Variants in ANK3 observed in about 807,000 individuals in gnomAD.
The protein encoded by ANK3 is ankyrin 3, also known as ankyrin-3.
In ANK3, 57 loss-of-function variants were observed where a neutral mutation model predicts 370.9. The ratio of observed to expected loss-of-function variants is 0.15; its 90% CI spans 0.12 to 0.19. ANK3 has a LOEUF of 0.19. ANK3 is among the 10% of genes least tolerant of loss of function. The probability of loss-of-function intolerance (pLI) is 1.00; values close to 1 mark genes in which losing one functional copy is unlikely to be tolerated. For synonymous variants in ANK3, 1,929 were observed against 1,946.3 expected (o/e 0.99, Z 0.23); for missense variants, 4,439 against 5,302.1 (o/e 0.84, Z 5.06).
rs186331235 is a variant in ANK3, at chr10:60,287,747, C to A, written c.115-8108G>T. Among the ~76,000 whole-genome samples, 17 of 152,160 alleles carry A rather than the reference C, an allele frequency of 1.1e-4. No homozygotes were observed. The East Asian group carries it at 2.9e-3, about 26-fold the overall frequency. On this transcript the variant is annotated intron_variant, in intron 1 of 43. Transcript: ENST00000280772. ...AACCCAAGTCTGCTTGATAGCAAGCCCAGGCTCTTCCCTCAACACCAGGGG... is the reference window on the plus strand; with the variant it reads ...AACCCAAGTCTGCTTGATAGCAAGCACAGGCTCTTCCCTCAACACCAGGGG...
Position 60,114,348 on chromosome 10 carries a change from T to C in ANK3, c.2842-17A>G, listed in dbSNP as rs1672584504. The C allele has an allele frequency of 7.0e-7, 1 of 1,426,768 alleles. No individual in the cohort carries two copies. The allele number at this position is 1,426,768 out of a possible 1,614,324, so 88.4% of individuals were successfully genotyped here. A position where few individuals can be genotyped will look rare whatever the true frequency, so the allele number is the denominator to read the frequency against. ...TGTTAGATGCTGAAAAATAAAATGG[T>C]AAATTAAATTACATCAACAAACCAT... On this transcript the variant is annotated splice_polypyrimidine_tract_variant and intron_variant, in intron 25 of 43. Coordinates refer to ENST00000280772, the MANE Select transcript of ANK3 (RefSeq NM_020987.5).
At chr10:60,363,015 C>A (rs1293388523) in intron 1 of ANK3, among the ~76,000 whole-genome samples, 3 of 145,138 alleles carry the variant, frequency 2.1e-5, no homozygotes, top group Non-Finnish European at 4.4e-5. Flanking sequence ...TTTTGCTACC[C>A]TTTCCAGCAG....
intron 1 of ANK3, among the ~76,000 whole-genome samples, chr10:60,377,560 T>C (rs1335125262): frequency 6.6e-6 from 1 of 152,146 alleles, no homozygotes; most frequent in Non-Finnish European, 1.5e-5. Context: ...TTTTACTACA[T>C]AAAACAAATG....
intron 28 of ANK3, among the ~76,000 whole-genome samples, chr10:60,096,538 T>C (rs1049238667): frequency 3.3e-5 from 5 of 152,204 alleles, no homozygotes; most frequent in African/African-American, 9.6e-5. Context: ...TACATGTTAG[T>C]ACCACAGATT....
In ANK3 at chr10:60,105,938, C is replaced by A. The variant is rs148706376; in HGVS notation, c.3295G>T (p.Asp1099Tyr). ...KEHQFDSKNE[D>Y]LTELLNGMDE... is the part of the protein sequence containing the mutation. Reference sequence around the variant, plus strand: ...ATGCCATTAAGTAACTCGGTTAAATCTTCATTTTTGCTGTCAAACTGATGC... The same window carrying A: ...ATGCCATTAAGTAACTCGGTTAAATATTCATTTTTGCTGTCAAACTGATGC... The change falls in exon 28 of 44, where the codon GAT (aspartate) becomes TAT (tyrosine). Residue 1099 changes from aspartate to tyrosine, a missense_variant. This residue lies in a region of ANK3 where 702 missense variants were observed against 941.5 expected (regional missense o/e 0.75). Transcript: ENST00000280772. 13 of 1,611,680 alleles carry A rather than the reference C, an allele frequency of 8.1e-6. No homozygotes were observed. The African/African-American group carries it at 1.5e-4, about 18-fold the overall frequency.
chr10:60,706,068 C>T (rs1465611097), intron 1 of ANK3, among the ~76,000 whole-genome samples: 6 of 152,100 alleles, frequency 3.9e-5, no homozygotes, highest in Non-Finnish European at 5.9e-5. Flanking sequence ...AAGCAATCAG[C>T]TCGCCTTGGT....
chr10:60,341,559 T>C (rs1172416485), intron 1 of ANK3, among the ~76,000 whole-genome samples: 2 of 152,144 alleles, frequency 1.3e-5, no homozygotes, highest in African/African-American at 2.4e-5. Context: ...AAAAGAATTG[T>C]ATTCATGGTC....
chr10:60,088,434 T>A, intron 28 of ANK3, 76 bp from the exon 29 acceptor site: 1 of 1,207,398 alleles, frequency 8.3e-7, no homozygotes, highest in Non-Finnish European at 1.2e-6. Context: ...ATGATATATC[T>A]TTTTTTTTGA....
chr10:60,608,061 G>C (rs2078151573), intron 2 of ANK3, among the ~76,000 whole-genome samples: 1 of 152,088 alleles, frequency 6.6e-6, no homozygotes, highest in Admixed American at 6.6e-5. Context: ...GCATGATTTG[G>C]GGACTCACTG....
At chr10:60,300,798 C>T (rs527843712) in intron 1 of ANK3, among the ~76,000 whole-genome samples, 2 of 152,290 alleles carry the variant, frequency 1.3e-5, no homozygotes, top group East Asian at 3.9e-4. Context: ...CCATTTTCTC[C>T]TCTGTCTTTC....
At chr10:60,606,485 T>C (rs1054866134) in intron 2 of ANK3, among the ~76,000 whole-genome samples, 7 of 152,172 alleles carry the variant, frequency 4.6e-5, no homozygotes, top group East Asian at 1.9e-4. Flanking sequence ...AAAGCACTTA[T>C]ATAGCTGTTG....
At chr10:60,564,310 CATT>C (rs1304397006) in intron 2 of ANK3, among the ~76,000 whole-genome samples, 6 of 152,088 alleles carry the variant, frequency 3.9e-5, no homozygotes, top group Admixed American at 2.6e-4. Flanking sequence ...TGGAGTGTAT[CATT>C]AGAAGAAACA....
chr10:60,602,212 G>A (rs1045443326), intron 2 of ANK3, among the ~76,000 whole-genome samples: 2 of 152,010 alleles, frequency 1.3e-5, no homozygotes, highest in Non-Finnish European at 2.9e-5. Flanking sequence ...TTGACTACTG[G>A]CATTATTTAC....
At chr10:60,501,000 C>T (rs375430647) in intron 2 of ANK3, among the ~76,000 whole-genome samples, 4 of 152,078 alleles carry the variant, frequency 2.6e-5, no homozygotes, top group African/African-American at 9.7e-5. Flanking sequence ...CCTTCCAAGT[C>T]CTTATAGTCC....
intron 1 of ANK3, among the ~76,000 whole-genome samples, chr10:60,350,245 C>T (rs532197431): frequency 1.8e-4 from 28 of 152,184 alleles, no homozygotes; most frequent in Non-Finnish European, 3.2e-4. Flanking sequence ...AGCTAATTAT[C>T]GAGCAAAATG....
At chr10:60,395,615 TCG>T (rs1309880603) in intron 2 of ANK3, among the ~76,000 whole-genome samples, 9 of 54,090 alleles carry the variant, frequency 1.7e-4, no homozygotes, top group African/African-American at 8.3e-4. Flanking sequence ...TTTCTCTCTT[TCG>T]TTCTCTCTCT....
At chr10:60,126,801 A>G (rs1049405776) in intron 25 of ANK3, among the ~76,000 whole-genome samples, 2 of 152,182 alleles carry the variant, frequency 1.3e-5, no homozygotes, top group African/African-American at 4.8e-5. Context: ...CTAGAGAGAA[A>G]GCATAAAATA....
At chr10:60,098,753 T>C (rs963298852) in intron 28 of ANK3, among the ~76,000 whole-genome samples, 1 of 152,208 alleles carries the variant, frequency 6.6e-6, no homozygotes, top group Non-Finnish European at 1.5e-5. Context: ...ATAATTTTAG[T>C]GTTTAACTCA....
intron 1 of ANK3, among the ~76,000 whole-genome samples, chr10:60,325,096 T>A (rs922514082): frequency 6.6e-6 from 1 of 152,216 alleles, no homozygotes; most frequent in Non-Finnish European, 1.5e-5. Context: ...AATCAGACAT[T>A]TCTTCTCTGA....
Sources: allele counts gnomAD v4.1 joint callset (sites outside exome capture counted in the v4.1 genomes callset), GRCh38; gene constraint gnomAD v4.1.1; regional missense constraint gnomAD v4.1.1; transcripts MANE v1.5; gene names NCBI Gene and HGNC (gene_info 2026-07-23, HGNC 2026-07-21).